Variants in PRKN observed in about 807,000 individuals in gnomAD.
PRKN encodes the protein parkin RBR E3 ubiquitin protein ligase, also known as E3 ubiquitin-protein ligase parkin.
Under a neutral mutation model 59.5 loss-of-function variants are expected in PRKN, and 56 were observed. That is an observed-to-expected ratio of 0.94 (90% confidence interval 0.76 to 1.18). The LOEUF (loss-of-function observed/expected upper bound fraction) is 1.18. Ranked by LOEUF, PRKN falls within the 50% of genes most tolerant of loss-of-function variation. The pLI is 0.00. For synonymous variants in PRKN, 250 were observed against 222.1 expected (o/e 1.13, Z -1.12); for missense variants, 657 against 596.4 (o/e 1.10, Z -1.06).
intron 5 of PRKN, among the ~76,000 whole-genome samples, chr6:162,005,944 A>AGT (rs1782234875): frequency 6.6e-6 from 1 of 152,040 alleles, no homozygotes; most frequent in African/African-American, 2.4e-5. Context: ...ATAAAAGGAT[A>AGT]GTGTATATAT....
rs1018841469 is a variant in PRKN at position 161,410,019 on chromosome 6, G to A, written c.1084-23142C>T. Among the ~76,000 whole-genome samples the A allele has an allele frequency of 7.2e-5, 11 of 152,238 alleles. No homozygotes were observed. Among genetic ancestry groups the A allele is most frequent in the Non-Finnish European group, 1.3e-4 (9 of 68,042 alleles). On this transcript the variant is annotated intron_variant, in intron 9 of 11. Transcript: ENST00000366898. The surrounding 1 kb of genome is among the most constrained non-coding windows in gnomAD (Gnocchi z 5.3). ...GAATAAAAGTGCTAAGCCAGGCACA[G>A]TGACCTTTCCTGTACCTGTGCTAGG...
At position 162,056,851 on chromosome 6, in the gene PRKN, C is replaced by A. The variant is rs778822368; in HGVS notation, c.535-2677G>T. ...ACTGACTCTCCATTGAGCTTCCTGG[C>A]AGACAACACTTCACACGCGTTGTCA... is the stretch of plus-strand genomic sequence containing the variant. On this transcript the variant is annotated intron_variant, in intron 4 of 11. Coordinates refer to ENST00000366898, the MANE Select transcript of PRKN (RefSeq NM_004562.3). This position sits in a 1 kb window ranked among gnomAD's most constrained non-coding sequence, Gnocchi z 4.9. Among the ~76,000 whole-genome samples, 13 of 152,174 alleles carry A rather than the reference C, an allele frequency of 8.5e-5. No individual in the cohort carries two copies. The highest frequency in any genetic ancestry group is 1.6e-4 in the Non-Finnish European group (11 of 68,042).
intron 3 of PRKN, among the ~76,000 whole-genome samples, chr6:162,240,749 G>A (rs1039654330): frequency 6.6e-6 from 1 of 152,154 alleles, no homozygotes; most frequent in Admixed American, 6.5e-5. Context: ...GCATTAGGGT[G>A]AACCCATTAA....
chr6:161,616,016 C>T (rs1782679642), intron 7 of PRKN, among the ~76,000 whole-genome samples: 1 of 152,128 alleles, frequency 6.6e-6, no homozygotes, highest in African/African-American at 2.4e-5. Context: ...CAGGGTCTCC[C>T]GTCTCTCTTC....
intron 7 of PRKN, among the ~76,000 whole-genome samples, chr6:161,750,071 A>G (rs938521224): frequency 1.3e-5 from 2 of 150,710 alleles, no homozygotes; most frequent in African/African-American, 4.9e-5. Flanking sequence ...AATTCATAGG[A>G]TATTAATGGA....
rs570658197 is a variant in PRKN, at chr6:162,164,117, T to C, written c.534+37014A>G. On this transcript the variant is annotated intron_variant, in intron 4 of 11. Coordinates refer to ENST00000366898, the MANE Select transcript of PRKN (RefSeq NM_004562.3). ...AAGTGTGGAATACCAGCTGTTGAAATGTTAAGTCAAATGAAGTAGAAATGT... is the reference window on the plus strand; with the variant it reads ...AAGTGTGGAATACCAGCTGTTGAAACGTTAAGTCAAATGAAGTAGAAATGT... Among the ~76,000 whole-genome samples the C allele has an allele frequency of 1.0e-4, 15 of 149,270 alleles. 1 individual carries two copies. Among genetic ancestry groups the C allele is most frequent in the Non-Finnish European group, 2.2e-4 (15 of 67,448 alleles).
chr6:162,535,033 C>T (rs775265333), intron 1 of PRKN, among the ~76,000 whole-genome samples: 10 of 152,090 alleles, frequency 6.6e-5, no homozygotes, highest in Non-Finnish European at 1.2e-4. Context: ...ATCCCCAGTC[C>T]TCTTCCATCC....
At chr6:162,144,778 C>T (rs1781948298) in intron 4 of PRKN, among the ~76,000 whole-genome samples, 1 of 152,136 alleles carries the variant, frequency 6.6e-6, no homozygotes, top group African/African-American at 2.4e-5. Flanking sequence ...CTAACCCTGA[C>T]TGTAAAGCTT....
intron 9 of PRKN, among the ~76,000 whole-genome samples, chr6:161,455,882 T>G (rs1030331929): frequency 5.3e-5 from 8 of 150,016 alleles, no homozygotes; most frequent in African/African-American, 2.0e-4. Flanking sequence ...AAAAAAAAAT[T>G]AGGTGCATAC....
chr6:161,423,069 C>T lies in PRKN; in HGVS notation c.1084-36192G>A, dbSNP rs1175707975. Reference sequence around the variant, plus strand: ...CATGTCAGTATCGTAGTGAGAAATGCACGCACTATGAGAAGGCCTTGAAAC... The same window carrying T: ...CATGTCAGTATCGTAGTGAGAAATGTACGCACTATGAGAAGGCCTTGAAAC... On this transcript the variant is annotated intron_variant, in intron 9 of 11. Transcript: ENST00000366898. This position sits in a 1 kb window ranked among gnomAD's most constrained non-coding sequence, Gnocchi z 5.9. Among the ~76,000 whole-genome samples the T allele has an allele frequency of 1.3e-5, 2 of 152,122 alleles. No individual in the cohort carries two copies. Among genetic ancestry groups the T allele is most frequent in the Non-Finnish European group, 2.9e-5 (2 of 68,026 alleles).
rs189887235 is a variant in PRKN at position 162,385,869 on chromosome 6, A to T, written c.171+57441T>A. On this transcript the variant is annotated intron_variant, in intron 2 of 11. Transcript: ENST00000366898. ...TTATTCAGTTCGGTTTTTTCCCTAAAAAAAAAAGTTTCAGATTCCAAAGTT... is the reference window on the plus strand; with the variant it reads ...TTATTCAGTTCGGTTTTTTCCCTAATAAAAAAAGTTTCAGATTCCAAAGTT... Among the ~76,000 whole-genome samples the T allele has an allele frequency of 1.7e-3, 260 of 152,264 alleles. 2 individuals are homozygous for T. Among genetic ancestry groups the T allele is most frequent in the Non-Finnish European group, 2.6e-3 (179 of 68,010 alleles).
Position 161,663,554 on chromosome 6 carries a change from T to C in PRKN, c.872-94138A>G, listed in dbSNP as rs1041217572. On this transcript the variant is annotated intron_variant, in intron 7 of 11. Coordinates refer to ENST00000366898, the MANE Select transcript of PRKN (RefSeq NM_004562.3). The stretch of plus-strand genomic sequence containing the variant: ...CATACTTAGTGGGATAAATCAAGGA[T>C]ATAAACAGCCTCACTGCAGTTCATG... 3.9e-5 allele frequency among the ~76,000 whole-genome samples: 6 copies of C among 152,306 alleles called. No individual in the cohort carries two copies. The East Asian group carries it at 1.2e-3, about 29-fold the overall frequency.
At chr6:161,672,803 A>G (rs2128169527) in intron 7 of PRKN, among the ~76,000 whole-genome samples, 1 of 152,010 alleles carries the variant, frequency 6.6e-6, no homozygotes, top group East Asian at 1.9e-4. Flanking sequence ...AAAAATTTAA[A>G]ATACGATGAA....
At chr6:162,476,814 G>A (rs1305082380) in intron 1 of PRKN, among the ~76,000 whole-genome samples, 1 of 152,176 alleles carries the variant, frequency 6.6e-6, no homozygotes. Context: ...CCCACAAGAA[G>A]CCTGAACACC....
chr6:162,192,642 A>G (rs752765162), intron 4 of PRKN, among the ~76,000 whole-genome samples: 1 of 151,108 alleles, frequency 6.6e-6, no homozygotes, highest in African/African-American at 2.4e-5. Flanking sequence ...TATTTTTTGT[A>G]GAAGCAGGTT....
intron 2 of PRKN, among the ~76,000 whole-genome samples, chr6:162,368,887 T>C (rs1382290605): frequency 6.6e-6 from 1 of 152,198 alleles, no homozygotes; most frequent in African/African-American, 2.4e-5. Context: ...ACTTATAATA[T>C]TGGCCTAGTT....
intron 2 of PRKN, among the ~76,000 whole-genome samples, chr6:162,405,362 C>T (rs1019226386): frequency 6.6e-6 from 1 of 152,166 alleles, no homozygotes; most frequent in Non-Finnish European, 1.5e-5. Flanking sequence ...CTAAGTCGCC[C>T]TCACACATGC....
At chr6:161,995,474 G>T (rs756612512) in intron 5 of PRKN, among the ~76,000 whole-genome samples, 15 of 152,004 alleles carry the variant, frequency 9.9e-5, no homozygotes, top group Non-Finnish European at 2.1e-4. Flanking sequence ...GAAACAACCT[G>T]TAGAATGGGA....
intron 1 of PRKN, among the ~76,000 whole-genome samples, chr6:162,507,640 G>A (rs1793665353): frequency 6.6e-6 from 1 of 152,006 alleles, no homozygotes; most frequent in Non-Finnish European, 1.5e-5. Context: ...ACATTTACAA[G>A]GTATGTATAG....
Sources: allele counts gnomAD v4.1 joint callset (sites outside exome capture counted in the v4.1 genomes callset), GRCh38; gene constraint gnomAD v4.1.1; non-coding constraint Gnocchi (gnomAD v3.1); transcripts MANE v1.5; gene names NCBI Gene and HGNC (gene_info 2026-07-23, HGNC 2026-07-21).